ANKS1B: variants seen among roughly 807,000 people sequenced by gnomAD.
ANKS1B encodes the protein ankyrin repeat and sterile alpha motif domain-containing protein 1B.
ANKS1B carries 36 observed loss-of-function variants against 148.3 expected under a neutral mutation model. The observed-to-expected ratio is 0.24, with a 90% CI of 0.19 to 0.32. The LOEUF (loss-of-function observed/expected upper bound fraction) is 0.32, where lower values mean the gene tolerates loss of function less well. Ranked by LOEUF, ANKS1B falls within the 10% of genes least tolerant of loss-of-function variation. ANKS1B has a pLI of 1.00. For synonymous variants in ANKS1B, 542 were observed against 560.8 expected (o/e 0.97, Z 0.47); for missense variants, 1,157 against 1,542.6 (o/e 0.75, Z 4.19).
chr12:99,908,768 G>C (rs2093888418), intron 1 of ANKS1B, among the ~76,000 whole-genome samples: 1 of 152,094 alleles, frequency 6.6e-6, no homozygotes, highest in East Asian at 1.9e-4. Context: ...ACAACATGAT[G>C]TTTTGTTATA....
At chr12:98,752,361 C>T (rs556024372) in intron 25 of ANKS1B, among the ~76,000 whole-genome samples, 20 of 152,088 alleles carry the variant, frequency 1.3e-4, no homozygotes, top group African/African-American at 4.6e-4. Context: ...CGGGTTCAAG[C>T]GATTCTCTTG....
At chr12:99,575,015 G>A (rs60980532) in intron 9 of ANKS1B, among the ~76,000 whole-genome samples, 8,265 of 151,960 alleles carry the variant, frequency 0.054, 322 homozygotes, top group East Asian at 0.21. Context: ...ACCTACATAC[G>A]AAATACTACA....
intron 10 of ANKS1B, among the ~76,000 whole-genome samples, chr12:99,501,142 C>CA (rs1279772739): frequency 1.4e-4 from 22 of 151,924 alleles, no homozygotes; most frequent in African/African-American, 5.3e-4. Context: ...TTTCTATTCC[C>CA]AAAAAATATC....
chr12:99,368,871 T>G (rs539433720), intron 12 of ANKS1B, among the ~76,000 whole-genome samples: 5 of 152,194 alleles, frequency 3.3e-5, no homozygotes, highest in Non-Finnish European at 7.3e-5. Flanking sequence ...ATACCCATTT[T>G]ATTTTGGAAA....
At chr12:98,933,466 C>CTAA (rs1385429600) in intron 17 of ANKS1B, among the ~76,000 whole-genome samples, 2 of 152,014 alleles carry the variant, frequency 1.3e-5, no homozygotes, top group Admixed American at 1.3e-4. Context: ...TATAAGAGTG[C>CTAA]TAATACCTCT....
At chr12:99,615,320 T>C (rs1361919776) in intron 9 of ANKS1B, among the ~76,000 whole-genome samples, 1 of 152,200 alleles carries the variant, frequency 6.6e-6, no homozygotes, top group East Asian at 1.9e-4. Flanking sequence ...ATTTTTCAAC[T>C]TCTTTGAATA....
At chr12:99,402,702 T>C (rs1324822785) in intron 11 of ANKS1B, among the ~76,000 whole-genome samples, 1 of 146,594 alleles carries the variant, frequency 6.8e-6, no homozygotes, top group Admixed American at 6.8e-5. Context: ...TACCACATTT[T>C]CTTTATCCAG....
chr12:99,530,543 C>CCACAACA, intron 9 of ANKS1B, among the ~76,000 whole-genome samples: 1 of 152,146 alleles, frequency 6.6e-6, no homozygotes, highest in Non-Finnish European at 1.5e-5. Context: ...CCAACTGCAA[C>CCACAACA]AGGTAAGTTG....
chr12:99,818,173 A>C (rs1458216899), intron 2 of ANKS1B, among the ~76,000 whole-genome samples: 1 of 151,994 alleles, frequency 6.6e-6, no homozygotes, highest in East Asian at 1.9e-4. Context: ...AAAAATAGAC[A>C]AATGGGATTA....
At chr12:98,790,120 C>A (rs544383599) in intron 22 of ANKS1B, among the ~76,000 whole-genome samples, 12 of 152,020 alleles carry the variant, frequency 7.9e-5, no homozygotes, top group African/African-American at 2.4e-4. Flanking sequence ...TTAAAAATGC[C>A]AATTGCAAAT....
chr12:99,767,939 G>A (rs961735024), intron 8 of ANKS1B, among the ~76,000 whole-genome samples: 4 of 151,932 alleles, frequency 2.6e-5, no homozygotes, highest in African/African-American at 7.2e-5. Context: ...AAAAATCTCC[G>A]ATTCAAAAAT....
intron 9 of ANKS1B, among the ~76,000 whole-genome samples, chr12:99,533,932 A>C (rs1197766207): frequency 1.3e-5 from 2 of 152,230 alleles, no homozygotes; most frequent in African/African-American, 4.8e-5. Flanking sequence ...TTAAGTCTTA[A>C]AAATATGGAG....
At chr12:99,549,598 C>T (rs948994532) in intron 9 of ANKS1B, among the ~76,000 whole-genome samples, 1 of 152,138 alleles carries the variant, frequency 6.6e-6, no homozygotes, top group Non-Finnish European at 1.5e-5. Flanking sequence ...ACATGGAATG[C>T]TTGACAAGCA....
At chr12:99,185,316 A>C (rs2079674590) in intron 14 of ANKS1B, among the ~76,000 whole-genome samples, 1 of 152,236 alleles carries the variant, frequency 6.6e-6, no homozygotes, top group African/African-American at 2.4e-5. Flanking sequence ...TGAAATTTAG[A>C]CATTTACTCA....
chr12:99,053,134 G>A (rs375293446), intron 17 of ANKS1B, 23 bp downstream of exon 17: 38 of 1,576,448 alleles, frequency 2.4e-5, no homozygotes, highest in African/African-American at 1.1e-4. Context: ...AATAGTTAAG[G>A]TGTCACTAAG....
At chr12:99,348,153 G>T (rs1281913031) in intron 12 of ANKS1B, among the ~76,000 whole-genome samples, 2 of 151,778 alleles carry the variant, frequency 1.3e-5, no homozygotes, top group Non-Finnish European at 2.9e-5. Flanking sequence ...CTAAAGAACA[G>T]AAACAAAATA....
intron 8 of ANKS1B, among the ~76,000 whole-genome samples, chr12:99,672,923 T>C (rs934096574): frequency 6.6e-6 from 1 of 151,986 alleles, no homozygotes; most frequent in African/African-American, 2.4e-5. Flanking sequence ...CTGGTTGAAA[T>C]AAGAAAAGAA....
intron 17 of ANKS1B, among the ~76,000 whole-genome samples, chr12:98,975,425 C>A (rs1458293237): frequency 6.6e-6 from 1 of 151,730 alleles, no homozygotes; most frequent in East Asian, 1.9e-4. Context: ...TTCCCTCCCC[C>A]TTCCTTCTTT....
intron 19 of ANKS1B, among the ~76,000 whole-genome samples, chr12:98,809,612 G>A (rs2099078309): frequency 6.6e-6 from 1 of 152,166 alleles, no homozygotes; most frequent in Non-Finnish European, 1.5e-5. Flanking sequence ...TGCTGGGATG[G>A]CTAAGAAGGA....
Sources: gnomAD v4.1 joint callset for allele counts (sites outside exome capture counted in the v4.1 genomes callset) on GRCh38, gnomAD v4.1.1 for gene constraint, MANE v1.5 for transcripts, NCBI Gene and HGNC (gene_info 2026-07-23, HGNC 2026-07-21) for gene names.